Variants in STK11IP observed in about 807,000 individuals in gnomAD.
The protein encoded by STK11IP is serine/threonine-protein kinase 11-interacting protein.
A neutral mutation model predicts 131.7 loss-of-function variants in STK11IP; 103 were observed. The ratio of observed to expected loss-of-function variants is 0.78; its 90% CI spans 0.67 to 0.92. STK11IP has a LOEUF of 0.92. STK11IP is among the 40% of genes least tolerant of loss of function. STK11IP has a pLI of 0.00. For missense variants in STK11IP, 1,315 were observed against 1,385.7 expected, an observed-to-expected ratio of 0.95 and a Z score of 0.81; for synonymous variants, 557 against 575.6, an observed-to-expected ratio of 0.97 and a Z score of 0.46.
chr2:219,615,759 T>C (rs1698552295), intron 24 of STK11IP: 1 of 668,668 alleles, frequency 1.5e-6, no homozygotes, highest in Non-Finnish European at 2.8e-6. Flanking sequence ...TCCAAAGTGG[T>C]GGAGCCGGGA....
intron 3 of STK11IP, 96 bp downstream of exon 3, chr2:219,601,536 G>T: frequency 1.3e-6 from 2 of 1,556,300 alleles, no homozygotes; most frequent in Non-Finnish European, 1.7e-6. Context: ...GCAGTGCCAG[G>T]ATCCAGAGGG....
In STK11IP at chr2:219,614,228, C is replaced by G. The variant is rs1289357028; in HGVS notation, c.2784C>G (p.Pro928=). The G allele has an allele frequency of 3.7e-6, 6 of 1,613,304 alleles. No homozygotes were observed. Among genetic ancestry groups the G allele is most frequent in the Middle Eastern group, 1.6e-4 (1 of 6,068 alleles). The change falls in exon 22 of 25, where the codon CCC becomes CCG. Residue 928 remains proline, a synonymous_variant. Transcript: ENST00000456909. The part of the protein sequence containing the change: ...CVSATEEEVT[P]QHRLWPLLEK... ...GTGCCACAGAGGAGGAGGTCACCCC[C>G]CAGCACCGGCTCTGGTGAGTCGATA...
chr2:219,601,159 G>T, intron 2 of STK11IP, 76 bp from the exon 3 acceptor site: 3 of 1,154,562 alleles, frequency 2.6e-6, no homozygotes, highest in East Asian at 4.9e-5. Context: ...GGTATATTTT[G>T]GCATCATAGA....
In STK11IP at chr2:219,616,389, G is replaced by C. The variant is rs1698569529; in HGVS notation, c.*196G>C. The C allele has an allele frequency of 1.6e-6, 1 of 625,018 alleles. No homozygotes were observed. The highest frequency in any genetic ancestry group is 3.0e-5 in the Admixed American group (1 of 32,924). 38.7% of individuals were successfully genotyped at this position (625,018 alleles called of 1,614,324 possible). A position where few individuals can be genotyped will look rare whatever the true frequency, so the allele number is the denominator to read the frequency against. ...CTGGCCTCAGGGGACAGGCCACCTG[G>C]TCAGGAGGAATATTTTTCCTGCACT... is the stretch of plus-strand genomic sequence containing the variant. On this transcript the variant is annotated 3_prime_UTR_variant, in exon 25 of 25. Transcript: ENST00000456909.
rs184141800 is a variant in STK11IP at position 219,606,079 on chromosome 2, G to C, written c.849+20G>C. 2.5e-5 allele frequency: 39 copies of C among 1,579,320 alleles called. No homozygotes were observed. Among genetic ancestry groups the C allele is most frequent in the Middle Eastern group, 1.7e-4 (1 of 6,018 alleles). On this transcript the variant is annotated intron_variant, in intron 9 of 24. Transcript: ENST00000456909. ...CGCAAGGTGAGATGGGAATGCATCAGGGGCCTGGGAACCACCCTTGCACGT... is the reference window on the plus strand; with the variant it reads ...CGCAAGGTGAGATGGGAATGCATCACGGGCCTGGGAACCACCCTTGCACGT...
rs1205031752 is a variant in STK11IP, at chr2:219,606,247, C to G, written c.902C>G (p.Thr301Ser). 7.6e-6 allele frequency: 12 copies of G among 1,573,076 alleles called. No homozygotes were observed. Among genetic ancestry groups the G allele is most frequent in the Non-Finnish European group, 9.5e-6 (11 of 1,159,028 alleles). ...LWFHPEHRAATAQYLSPRARD... is the reference protein window; with the variant it reads ...LWFHPEHRAASAQYLSPRARD... ...TTCCACCCTGAGCACCGAGCAGCCACTGCCCAGTACTTGTCACCCCGGGCC... is the reference window on the plus strand; with the variant it reads ...TTCCACCCTGAGCACCGAGCAGCCAGTGCCCAGTACTTGTCACCCCGGGCC... Residue 301 changes from threonine to serine, a missense_variant, in exon 10 of 25, where the codon ACT (threonine) becomes AGT (serine). By Grantham distance (58) the Thr-to-Ser change is moderately conservative. Coordinates refer to ENST00000456909, the MANE Select transcript of STK11IP (RefSeq NM_052902.4).
At chr2:219,602,152 C>T (rs1456134061) in intron 5 of STK11IP, 69 bp downstream of exon 5, 1 of 1,170,696 alleles carries the variant, frequency 8.5e-7, no homozygotes, top group Non-Finnish European at 1.2e-6. Flanking sequence ...CTCTGATGTT[C>T]TCCCCTCTCT....
intron 7 of STK11IP, among the ~76,000 whole-genome samples, chr2:219,603,763 G>A (rs1237285999): frequency 2.0e-5 from 3 of 151,284 alleles, no homozygotes; most frequent in African/African-American, 7.3e-5. Flanking sequence ...CTCATGATCC[G>A]CCCACCTCAG....
chr2:219,614,410 C>T, intron 22 of STK11IP, 66 bp from the exon 23 acceptor site: 2 of 1,571,100 alleles, frequency 1.3e-6, no homozygotes. Context: ...TTTCTTCCCA[C>T]TCCCCTCTCT....
chr2:219,614,182 CT>C lies in STK11IP; in HGVS notation c.2739del (p.Ala914ProfsTer54). 6.2e-7 allele frequency: 1 copy of C among 1,613,514 alleles called. No individual in the cohort carries two copies. The highest frequency in any genetic ancestry group is 8.5e-7 in the Non-Finnish European group (1 of 1,179,742). On this transcript the variant is annotated frameshift_variant, in exon 22 of 25. Coordinates refer to ENST00000456909, the MANE Select transcript of STK11IP (RefSeq NM_052902.4). LOFTEE classifies it high-confidence loss of function. The part of the protein sequence containing the change: ...ELLDVLQSLP[P>X]AWRNCVSATE... ...CTAGATGTCTTGCAGTCTCTGCCCC[CT>C]GCCTGGAGGAACTGTGTCAGTGCCA...
In STK11IP at chr2:219,616,450, T is replaced by C. The variant is rs1698570634; in HGVS notation, c.*257T>C. The C allele has an allele frequency of 2.2e-6, 1 of 450,920 alleles. No homozygotes were observed. The highest frequency in any genetic ancestry group is 3.4e-5 in the Admixed American group (1 of 29,348). The allele number at this position is 450,920 out of a possible 1,614,324, so 27.9% of individuals were successfully genotyped here. A position where few individuals can be genotyped will look rare whatever the true frequency, so the allele number is the denominator to read the frequency against. On this transcript the variant is annotated 3_prime_UTR_variant, in exon 25 of 25. Coordinates refer to ENST00000456909, the MANE Select transcript of STK11IP (RefSeq NM_052902.4). Reference sequence around the variant, plus strand: ...TATCAATAAAGTTGTTTCCAACTCATAGGTCATGTGTGGTACTTAGAGTCA... The same window carrying C: ...TATCAATAAAGTTGTTTCCAACTCACAGGTCATGTGTGGTACTTAGAGTCA...
intron 2 of STK11IP, among the ~76,000 whole-genome samples, chr2:219,599,736 ATT>A (rs58226404): frequency 0.018 from 2,490 of 140,926 alleles, 46 homozygotes; most frequent in Non-Finnish European, 0.025. Flanking sequence ...AGTGTCCTGA[ATT>A]TTTTTTTTTT....
intron 4 of STK11IP, 107 bp from the exon 5 acceptor site, chr2:219,601,881 C>T (rs1697997323): frequency 1.6e-6 from 2 of 1,274,528 alleles, no homozygotes; most frequent in East Asian, 5.0e-5. Context: ...TTCCCTAAAT[C>T]ATAGCTGGGC....
intron 13 of STK11IP, among the ~76,000 whole-genome samples, chr2:219,607,474 T>C (rs983882026): frequency 2.0e-5 from 3 of 151,618 alleles, no homozygotes; most frequent in Non-Finnish European, 4.4e-5. Context: ...CTGGGCAACA[T>C]AGAGAGATGT....
rs1359448501 is a variant in STK11IP at position 219,605,518 on chromosome 2, G to A, written c.619-90G>A. The A allele has an allele frequency of 4.4e-6, 6 of 1,366,512 alleles. No homozygotes were observed. In the Admixed American group the frequency reaches 8.3e-5, roughly 19 times the overall value. The allele number at this position is 1,366,512 out of a possible 1,614,324, so 84.6% of individuals were successfully genotyped here. On this transcript the variant is annotated intron_variant, in intron 7 of 24. Coordinates refer to ENST00000456909, the MANE Select transcript of STK11IP (RefSeq NM_052902.4). Reference sequence around the variant, plus strand: ...GTGTGTGCAGTTTTATATAGGCCAAGGTTGAGGCCTAGTCCAGAAGAGGTC... The same window carrying A: ...GTGTGTGCAGTTTTATATAGGCCAAAGTTGAGGCCTAGTCCAGAAGAGGTC...
intron 17 of STK11IP, 154 bp downstream of exon 17, chr2:219,609,694 C>T: frequency 1.2e-6 from 1 of 828,820 alleles, no homozygotes; most frequent in Non-Finnish European, 1.9e-6. Context: ...AACCGTCTGC[C>T]TGCTGCATTT....
intron 1 of STK11IP, 36 bp downstream of exon 1, chr2:219,597,959 C>T (rs1400237570): frequency 5.0e-6 from 8 of 1,609,010 alleles, no homozygotes; most frequent in African/African-American, 1.3e-5. Context: ...CTCGAAAGGG[C>T]GGCCAGGAGG....
In STK11IP at chr2:219,599,995, C is replaced by T. The variant is rs552176142; in HGVS notation, c.62-1240C>T. On this transcript the variant is annotated intron_variant, in intron 2 of 24. Coordinates refer to ENST00000456909, the MANE Select transcript of STK11IP (RefSeq NM_052902.4). ...TCGTGATCCACCCGCCTTGGCCTCC[C>T]AAAGTGCTGGGATTACAGGCGTGAG... is the stretch of plus-strand genomic sequence containing the variant. Among the ~76,000 whole-genome samples the T allele has an allele frequency of 5.3e-5, 8 of 150,956 alleles. No homozygotes were observed. In the South Asian group the frequency reaches 1.7e-3, roughly 32 times the overall value.
In STK11IP at chr2:219,614,552, G is replaced by C. The variant is rs746237260; in HGVS notation, c.2869+6G>C. ...TCGGGCGTTCCTGGTTGAAGGTGAA[G>C]CCTCTGTGCAGCTGATGCTTCCCTG... On this transcript the variant is annotated splice_donor_region_variant and intron_variant, in intron 23 of 24. Coordinates refer to ENST00000456909, the MANE Select transcript of STK11IP (RefSeq NM_052902.4). 6.2e-7 allele frequency: 1 copy of C among 1,613,766 alleles called. No individual in the cohort carries two copies. The highest frequency in any genetic ancestry group is 1.3e-5 in the African/African-American group (1 of 75,068).
Sources: allele counts gnomAD v4.1 joint callset (sites outside exome capture counted in the v4.1 genomes callset), GRCh38; gene constraint gnomAD v4.1.1; transcripts MANE v1.5; gene names NCBI Gene and HGNC (gene_info 2026-07-23, HGNC 2026-07-21).